Variants in NR2C2 observed in about 807,000 individuals in gnomAD.
NR2C2 encodes nuclear receptor subfamily 2 group C member 2, also known as Nuclear hormone receptor TR4.
In NR2C2, 6 loss-of-function variants were observed where a neutral mutation model predicts 62.9. The ratio of observed to expected loss-of-function variants is 0.10; its 90% CI spans 0.05 to 0.19. NR2C2 has a LOEUF of 0.19. NR2C2 is among the 10% of genes least tolerant of loss of function. NR2C2 has a pLI of 1.00. For missense variants in NR2C2, 479 were observed against 762.7 expected, an observed-to-expected ratio of 0.63 and a Z score of 4.38; for synonymous variants, 272 against 273.8, an observed-to-expected ratio of 0.99 and a Z score of 0.07.
chr3:15,036,288 C>A (rs2042100996), intron 11 of NR2C2, among the ~76,000 whole-genome samples: 1 of 152,018 alleles, frequency 6.6e-6, no homozygotes, highest in Admixed American at 6.6e-5. Context: ...TAAGAGTGAA[C>A]AAACAACTTT....
intron 1 of NR2C2, among the ~76,000 whole-genome samples, chr3:15,000,118 G>A (rs1393320400): frequency 1.3e-5 from 2 of 150,712 alleles, no homozygotes; most frequent in Non-Finnish European, 3.0e-5. Context: ...TAAAAAAAAA[G>A]AAAAGTATTC....
chr3:14,991,592 A>G (rs749693853), intron 1 of NR2C2, among the ~76,000 whole-genome samples: 2 of 152,184 alleles, frequency 1.3e-5, no homozygotes, highest in East Asian at 1.9e-4. Context: ...GATCTGCACA[A>G]TGTTTTTTCA....
chr3:14,970,939 A>G (rs980102834), intron 1 of NR2C2, among the ~76,000 whole-genome samples: 25 of 152,226 alleles, frequency 1.6e-4, no homozygotes, highest in Admixed American at 1.1e-3. Context: ...AAGTACCTAT[A>G]TAACCATTCT....
At chr3:14,956,842 G>A (rs1338637572) in intron 1 of NR2C2, among the ~76,000 whole-genome samples, 1 of 152,218 alleles carries the variant, frequency 6.6e-6, no homozygotes, top group African/African-American at 2.4e-5. Flanking sequence ...CCCCGGCTGT[G>A]TGTGTGTTTA....
In NR2C2 at chr3:15,043,899, A is replaced by G. The variant is rs574035964; in HGVS notation, c.*891A>G. 2 of 152,368 alleles carry G rather than the reference A, an allele frequency of 1.3e-5. No individual in the cohort carries two copies. Among genetic ancestry groups the G allele is most frequent in the South Asian group, 4.1e-4 (2 of 4,824 alleles). 9.4% of individuals were successfully genotyped at this position (152,368 alleles called of 1,614,324 possible). A position where few individuals can be genotyped will look rare whatever the true frequency, so the allele number is the denominator to read the frequency against. On this transcript the variant is annotated 3_prime_UTR_variant, in exon 14 of 14. Coordinates refer to ENST00000425241, the MANE Select transcript of NR2C2 (RefSeq NM_001291694.2). ...CCTCCAGCAAGTGAAAACATCCCCA[A>G]GTCACATCCGCCGCTCGTGGCAGAT...
At chr3:15,004,760 T>G (rs1403775587) in intron 2 of NR2C2, 4 of 973,206 alleles carry the variant, frequency 4.1e-6, no homozygotes, top group South Asian at 1.9e-5. Flanking sequence ...TTTTATCAGT[T>G]TTTTTGGCTC....
rs1315794542 is a variant in NR2C2 at position 15,045,680 on chromosome 3, G to T, written c.*2672G>T. 6.5e-6 allele frequency: 1 copy of T among 152,674 alleles called. No homozygotes were observed. Among genetic ancestry groups the T allele is most frequent in the Non-Finnish European group, 1.5e-5 (1 of 68,058 alleles). 9.5% of individuals were successfully genotyped at this position (152,674 alleles called of 1,614,324 possible). On this transcript the variant is annotated 3_prime_UTR_variant, in exon 14 of 14. Coordinates refer to ENST00000425241, the MANE Select transcript of NR2C2 (RefSeq NM_001291694.2). The stretch of plus-strand genomic sequence containing the variant: ...GTTGGTTAAGTAAAGTCAGCCCAAA[G>T]TCAAGAATTACTTAAAGAGATGCAA...
Position 15,038,131 on chromosome 3 carries a change from A to C in NR2C2, c.1504A>C (p.Ser502Arg). 2 of 1,610,702 alleles carry C rather than the reference A, an allele frequency of 1.2e-6. No homozygotes were observed. Among genetic ancestry groups the C allele is most frequent in the Non-Finnish European group, 1.7e-6 (2 of 1,178,416 alleles). The change falls in exon 12 of 14, where the codon AGC (serine) becomes CGC (arginine). Residue 502 changes from serine to arginine, a missense_variant. Ser to Arg is a moderately radical substitution (Grantham distance 110). This residue lies in a region of NR2C2 where 162 missense variants were observed against 296.8 expected (regional missense o/e 0.55). Transcript: ENST00000425241. ...ATACCTTAAAGCTATAGTTCTCTTT[A>C]GCCCCGGTAAGATATGCGGTGGGGA... ...YAYLKAIVLFSPDHPGLTSTS... is the reference protein window; with the variant it reads ...YAYLKAIVLFRPDHPGLTSTS...
intron 1 of NR2C2, among the ~76,000 whole-genome samples, chr3:14,963,608 AC>A (rs1264974264): frequency 2.0e-5 from 3 of 151,704 alleles, no homozygotes; most frequent in African/African-American, 7.3e-5. Context: ...AGCTGGGACT[AC>A]AGGCACCCGC....
Position 15,023,363 on chromosome 3 carries a change from T to A in NR2C2, c.704+16T>A. ...ATGGAGCAAGGTCAGTCCCTTGTTC[T>A]CACTGCAATCAGCCTTTGCAGCTGA... On this transcript the variant is annotated intron_variant, in intron 6 of 13. Coordinates refer to ENST00000425241, the MANE Select transcript of NR2C2 (RefSeq NM_001291694.2). 6.2e-7 allele frequency: 1 copy of A among 1,613,510 alleles called. No homozygotes were observed. Among genetic ancestry groups the A allele is most frequent in the Non-Finnish European group, 8.5e-7 (1 of 1,179,774 alleles).
chr3:14,991,799 TA>T (rs2040680418), intron 1 of NR2C2, among the ~76,000 whole-genome samples: 1 of 149,066 alleles, frequency 6.7e-6, no homozygotes, highest in African/African-American at 2.5e-5. Flanking sequence ...AGGGTCTTGC[TA>T]TCTCAAAGGC....
intron 2 of NR2C2, among the ~76,000 whole-genome samples, chr3:15,009,920 TCTCTGC>T (rs2041302496): frequency 6.6e-6 from 1 of 152,148 alleles, no homozygotes; most frequent in Admixed American, 6.5e-5. Flanking sequence ...ATCACTCCAA[TCTCTGC>T]CTCCATTGCC....
rs2042562343 is a variant in NR2C2, at chr3:15,049,249, C to T, written c.*6241C>T. The T allele has an allele frequency of 1.3e-5, 2 of 152,708 alleles. No homozygotes were observed. Among genetic ancestry groups the T allele is most frequent in the South Asian group, 2.1e-4 (1 of 4,838 alleles). 9.5% of individuals were successfully genotyped at this position (152,708 alleles called of 1,614,324 possible). A position where few individuals can be genotyped will look rare whatever the true frequency, so the allele number is the denominator to read the frequency against. On this transcript the variant is annotated 3_prime_UTR_variant, in exon 14 of 14. Coordinates refer to ENST00000425241, the MANE Select transcript of NR2C2 (RefSeq NM_001291694.2). ...TACTACTACCTAAATGAGGTTTATA[C>T]TATTAAAAGTGAATTAAAGACTAAC...
chr3:14,968,090 T>C (rs1025134204), intron 1 of NR2C2, among the ~76,000 whole-genome samples: 1 of 152,220 alleles, frequency 6.6e-6, no homozygotes, highest in African/African-American at 2.4e-5. Context: ...AAGGACTTCA[T>C]GTCTAAAACT....
intron 7 of NR2C2, 75 bp from the exon 8 acceptor site, chr3:15,028,511 A>G: frequency 6.8e-7 from 1 of 1,471,884 alleles, no homozygotes; most frequent in Non-Finnish European, 9.3e-7. Flanking sequence ...TTGAACCAGC[A>G]TTATAACTTC....
At chr3:14,989,073 T>C (rs1005154336) in intron 1 of NR2C2, among the ~76,000 whole-genome samples, 1 of 152,192 alleles carries the variant, frequency 6.6e-6, no homozygotes, top group Admixed American at 6.5e-5. Context: ...TGTTGAGGTA[T>C]AAAAACCAAG....
In NR2C2 at chr3:15,017,408, T is replaced by C. The variant is rs528648884; in HGVS notation, c.376+1154T>C. Reference sequence around the variant, plus strand: ...TTGCATACTCATATAATTCACTCTTTACAGGCCTGTCTTCCCCATCAGAAT... The same window carrying C: ...TTGCATACTCATATAATTCACTCTTCACAGGCCTGTCTTCCCCATCAGAAT... On this transcript the variant is annotated intron_variant, in intron 4 of 13. Coordinates refer to ENST00000425241, the MANE Select transcript of NR2C2 (RefSeq NM_001291694.2). 1.3e-3 allele frequency among the ~76,000 whole-genome samples: 203 copies of C among 152,350 alleles called. 1 individual carries two copies. Among genetic ancestry groups the C allele is most frequent in the African/African-American group, 4.3e-3 (177 of 41,576 alleles).
At chr3:14,970,585 AT>A (rs1173842664) in intron 1 of NR2C2, among the ~76,000 whole-genome samples, 1 of 152,194 alleles carries the variant, frequency 6.6e-6, no homozygotes, top group Non-Finnish European at 1.5e-5. Flanking sequence ...TGTAATTGTC[AT>A]TCGTTACTGG....
chr3:15,018,884 G>A (rs1389244257), intron 4 of NR2C2, among the ~76,000 whole-genome samples: 2 of 151,518 alleles, frequency 1.3e-5, no homozygotes, highest in African/African-American at 4.9e-5. Context: ...GTGTGGTAGC[G>A]GGTTCCTGTA....
Sources: gnomAD v4.1 joint callset for allele counts (sites outside exome capture counted in the v4.1 genomes callset) on GRCh38, gnomAD v4.1.1 for gene constraint, gnomAD v4.1.1 regional missense constraint, MANE v1.5 for transcripts, NCBI Gene and HGNC (gene_info 2026-07-23, HGNC 2026-07-21) for gene names.